Variants in DST observed in about 807,000 individuals in gnomAD.
The protein encoded by DST is dystonin.
A neutral mutation model predicts 875.2 loss-of-function variants in DST; 253 were observed. The observed-to-expected ratio is 0.29, with a 90% CI of 0.26 to 0.32. The LOEUF is 0.32. Among genes scored for constraint, DST ranks in the 10% least tolerant of loss-of-function variants. DST has a pLI of 1.00. For missense variants in DST, 8,287 were observed against 9,111.6 expected (o/e 0.91, Z 3.68); for synonymous variants, 3,124 against 3,197.1 (o/e 0.98, Z 0.77).
At chr6:56,658,325 G>T (rs1233703022) in intron 10 of DST, among the ~76,000 whole-genome samples, 1 of 152,196 alleles carries the variant, frequency 6.6e-6, no homozygotes, top group Non-Finnish European at 1.5e-5. Context: ...GTCCTAATTT[G>T]CTCTCTGACT....
intron 49 of DST, among the ~76,000 whole-genome samples, chr6:56,588,327 C>T (rs1014813996): frequency 2.0e-5 from 3 of 152,162 alleles, no homozygotes; most frequent in Non-Finnish European, 2.9e-5. Context: ...AGAAACTCTA[C>T]ATACCAACTT....
At chr6:56,703,871 CAAA>C (rs35794687) in intron 6 of DST, 125 bp from the exon 7 acceptor site, 35 of 122,414 alleles carry the variant, frequency 2.9e-4, no homozygotes, top group Non-Finnish European at 4.6e-4. Flanking sequence ...TAATGTTCAC[CAAA>C]AAAAAAAAAA....
At chr6:56,472,957 G>T (rs940773708) in intron 93 of DST, among the ~76,000 whole-genome samples, 2 of 152,204 alleles carry the variant, frequency 1.3e-5, no homozygotes, top group Non-Finnish European at 2.9e-5. Context: ...GGGTCATATA[G>T]AATGTTAAGT....
intron 5 of DST, among the ~76,000 whole-genome samples, chr6:56,724,152 T>TAAG (rs2099434529): frequency 6.6e-6 from 1 of 152,234 alleles, no homozygotes; most frequent in South Asian, 2.1e-4. Context: ...TTAAGTGTGT[T>TAAG]TCTTAAGTTT....
At chr6:56,889,636 A>G (rs1786340261) in intron 3 of DST, among the ~76,000 whole-genome samples, 1 of 152,240 alleles carries the variant, frequency 6.6e-6, no homozygotes, top group Admixed American at 6.5e-5. Context: ...TGCAGTGTGC[A>G]AAAAACTGGA....
intron 102 of DST, among the ~76,000 whole-genome samples, chr6:56,462,391 CTTAAA>C (rs1283462726): frequency 1.3e-5 from 2 of 152,082 alleles, no homozygotes; most frequent in South Asian, 2.1e-4. Flanking sequence ...TTAGAGCATG[CTTAAA>C]TTAGTTATTA....
rs1302373968 is a variant in DST at position 56,714,860 on chromosome 6, C to T, written c.688-10491G>A. Among the ~76,000 whole-genome samples, 1 of 152,178 alleles carries T rather than the reference C, an allele frequency of 6.6e-6. No homozygotes were observed. The highest frequency in any genetic ancestry group is 1.5e-5 in the Non-Finnish European group (1 of 68,034). On this transcript the variant is annotated intron_variant, in intron 5 of 103. Transcript: ENST00000680361. The surrounding 1 kb of genome is among the most constrained non-coding windows in gnomAD (Gnocchi z 4.5). ...TACTAGGTCAAATTCTAACGTCATC[C>T]AGGCAGTGATGGTTTCCTTCTTCTG...
In DST at chr6:56,712,831, T is replaced by A. The variant is rs939380009; in HGVS notation, c.688-8462A>T. On this transcript the variant is annotated intron_variant, in intron 5 of 103. Transcript: ENST00000680361. ...TTTAAATTTATATCATGATCAAAAT[T>A]CACACTAGTTCAAAAAATGTGTATT... Among the ~76,000 whole-genome samples the A allele has an allele frequency of 2.6e-5, 4 of 152,306 alleles. No homozygotes were observed. In the East Asian group the frequency reaches 7.7e-4, roughly 29 times the overall value.
chr6:56,701,376 A>G (rs1323729175), intron 8 of DST, among the ~76,000 whole-genome samples: 1 of 152,102 alleles, frequency 6.6e-6, no homozygotes, highest in Admixed American at 6.6e-5. Context: ...AAATGTTGTT[A>G]TATCTTTACT....
At position 56,530,228 on chromosome 6, in the gene DST, T is replaced by G. The variant is rs1277210237; in HGVS notation, c.17109-95A>C. 4 of 918,744 alleles carry G rather than the reference T, an allele frequency of 4.4e-6. No individual in the cohort carries two copies. In the Admixed American group the frequency reaches 1.5e-4, roughly 34 times the overall value. 56.9% of individuals were successfully genotyped at this position (918,744 alleles called of 1,614,324 possible). A position where few individuals can be genotyped will look rare whatever the true frequency, so the allele number is the denominator to read the frequency against. ...TGCTCTTGCAATCTATTCTAAACAT[T>G]TTCTGTAGAAACTATCTAAGGTTAC... is the stretch of plus-strand genomic sequence containing the variant. On this transcript the variant is annotated intron_variant, in intron 64 of 103. Coordinates refer to ENST00000680361, the MANE Select transcript of DST (RefSeq NM_001374736.1).
chr6:56,606,211 T>C lies in DST; in HGVS notation c.8417A>G (p.Asp2806Gly). 1.3e-6 allele frequency: 2 copies of C among 1,571,410 alleles called. No individual in the cohort carries two copies. The highest frequency in any genetic ancestry group is 1.7e-6 in the Non-Finnish European group (2 of 1,156,222). The change falls in exon 40 of 104, where the codon GAC (aspartate) becomes GGC (glycine). Residue 2806 changes from aspartate (D) to glycine (G), a missense_variant. By Grantham distance (94) the Asp-to-Gly change is moderately conservative. Transcript: ENST00000680361. ...DYIYDSNDQD[D>G]DDDDGIDEEG... ...TTCATCAATGCCATCATCATCATCG[T>C]CATCCTGATCATTACTGTCATATAT...
intron 2 of DST, among the ~76,000 whole-genome samples, chr6:56,935,754 C>A (rs184880837): frequency 3.1e-4 from 47 of 152,024 alleles, no homozygotes; most frequent in African/African-American, 1.1e-3. Flanking sequence ...GGTGAAAACC[C>A]GTCTCTACTA....
At chr6:56,747,379 T>C (rs1295000807) in intron 4 of DST, among the ~76,000 whole-genome samples, 1 of 152,196 alleles carries the variant, frequency 6.6e-6, no homozygotes, top group Non-Finnish European at 1.5e-5. Flanking sequence ...GGTTCAATCT[T>C]ATTGTTGGCT....
Position 56,917,738 on chromosome 6 carries a change from A to G in DST, c.217-17117T>C, listed in dbSNP as rs17758455. Among the ~76,000 whole-genome samples, 579 of 152,314 alleles carry G rather than the reference A, an allele frequency of 3.8e-3. 31 individuals are homozygous for G. In the East Asian group the frequency reaches 0.093, roughly 24 times the overall value. ...AGCACTTACCACAGTTTGACTTATC[A>G]TGGATATGAAGGGGAGGGACAGCTT... On this transcript the variant is annotated intron_variant, in intron 2 of 103. Transcript: ENST00000680361.
intron 48 of DST, among the ~76,000 whole-genome samples, chr6:56,593,319 T>C (rs1483357845): frequency 6.6e-6 from 1 of 151,772 alleles, no homozygotes; most frequent in Admixed American, 6.6e-5. Context: ...ATCGAGACCA[T>C]CCTGGCTAAT....
intron 40 of DST, 58 bp downstream of exon 40, chr6:56,603,779 G>A (rs765335550): frequency 4.4e-6 from 7 of 1,579,238 alleles, no homozygotes; most frequent in Non-Finnish European, 6.0e-6. Flanking sequence ...AAATGTATGG[G>A]ATTATTCTCA....
rs1334982127 is a variant in DST at position 56,947,934 on chromosome 6, C to CTATGT, written c.216+5846_216+5850dup. Among the ~76,000 whole-genome samples, 5 of 152,336 alleles carry CTATGT rather than the reference C, an allele frequency of 3.3e-5. No homozygotes were observed. In the East Asian group the frequency reaches 9.6e-4, roughly 29 times the overall value. ...TGAATAGTACTAAACCCTATACATACTATGTTTTTTTCCTATACAAACACA... is the reference window on the plus strand; with the variant it reads ...TGAATAGTACTAAACCCTATACATACTATGTTATGTTTTTTTCCTATACAAACACA... On this transcript the variant is annotated intron_variant, in intron 2 of 103. Transcript: ENST00000680361.
At position 56,625,156 on chromosome 6, in the gene DST, C is replaced by T. The variant is rs986675543; in HGVS notation, c.4830+1G>A. The stretch of plus-strand genomic sequence containing the variant: ...CCCTCTTTCTCTCATACTTTTATTA[C>T]CTCTTGAATAATGAGATCTGCTGAA... On this transcript the variant is annotated splice_donor_variant, in intron 35 of 103. Coordinates refer to ENST00000680361, the MANE Select transcript of DST (RefSeq NM_001374736.1). LOFTEE classifies it high-confidence loss of function. 6.3e-7 allele frequency: 1 copy of T among 1,599,630 alleles called. No homozygotes were observed. Among genetic ancestry groups the T allele is most frequent in the Non-Finnish European group, 8.6e-7 (1 of 1,166,960 alleles).
In DST at chr6:56,605,523, C is replaced by T; in HGVS notation, c.9105G>A (p.Gly3035=). Residue 3035 remains glycine, a synonymous_variant, in exon 40 of 104, where the codon GGG becomes GGA. Transcript: ENST00000680361. ...PQGNGSDLIK[G]RDGKSDILIE... ...TTAGAATATCACTTTTGCCATCTCTCCCTTTAATGAGATCGCTTCCATTTC... is the reference window on the plus strand; with the variant it reads ...TTAGAATATCACTTTTGCCATCTCTTCCTTTAATGAGATCGCTTCCATTTC... 1 of 1,612,986 alleles carries T rather than the reference C, an allele frequency of 6.2e-7. No homozygotes were observed. Among genetic ancestry groups the T allele is most frequent in the Non-Finnish European group, 8.5e-7 (1 of 1,179,314 alleles).
Sources: allele counts gnomAD v4.1 joint callset (sites outside exome capture counted in the v4.1 genomes callset), GRCh38; gene constraint gnomAD v4.1.1; non-coding constraint Gnocchi (gnomAD v3.1); transcripts MANE v1.5; gene names NCBI Gene and HGNC (gene_info 2026-07-23, HGNC 2026-07-21).